The following PDZRN3 variants were observed in gnomAD, a reference collection of about 807,000 sequenced individuals.
PDZRN3 encodes the protein PDZ domain containing ring finger 3, also known as E3 ubiquitin-protein ligase PDZRN3.
PDZRN3 carries 38 observed loss-of-function variants against 85.7 expected under a neutral mutation model. The ratio of observed to expected loss-of-function variants is 0.44; its 90% CI spans 0.34 to 0.58. The LOEUF (loss-of-function observed/expected upper bound fraction) is 0.58. PDZRN3 is among the 20% of genes least tolerant of loss of function. PDZRN3 has a pLI of 0.01. For synonymous variants in PDZRN3, 759 were observed against 638.0 expected, an observed-to-expected ratio of 1.19 and a Z score of -2.86; for missense variants, 1,629 against 1,506.4, an observed-to-expected ratio of 1.08 and a Z score of -1.35.
chr3:73,540,803 C>T (rs1559729424), intron 3 of PDZRN3, among the ~76,000 whole-genome samples: 1 of 152,078 alleles, frequency 6.6e-6, no homozygotes, highest in Non-Finnish European at 1.5e-5. Flanking sequence ...CAGACTAACA[C>T]AATGATAAAG....
chr3:73,493,038 T>C (rs940310089), intron 3 of PDZRN3, among the ~76,000 whole-genome samples: 2 of 150,702 alleles, frequency 1.3e-5, no homozygotes, highest in African/African-American at 4.9e-5. Context: ...TTCCCTTATG[T>C]GAAATTTTAT....
chr3:73,504,806 T>C (rs1704041766), intron 3 of PDZRN3, among the ~76,000 whole-genome samples: 1 of 152,242 alleles, frequency 6.6e-6, no homozygotes, highest in African/African-American at 2.4e-5. Flanking sequence ...TAAAGATAAC[T>C]GCGTTAGTAT....
At chr3:73,510,705 G>C (rs1313407298) in intron 3 of PDZRN3, among the ~76,000 whole-genome samples, 1 of 152,082 alleles carries the variant, frequency 6.6e-6, no homozygotes. Context: ...ATATTGCCCA[G>C]GGCCCAAATG....
At chr3:73,416,271 T>C (rs1417308935) in intron 3 of PDZRN3, among the ~76,000 whole-genome samples, 1 of 152,184 alleles carries the variant, frequency 6.6e-6, no homozygotes, top group Non-Finnish European at 1.5e-5. Context: ...ACTTGGCCTC[T>C]TACCTCCAAG....
intron 3 of PDZRN3, among the ~76,000 whole-genome samples, chr3:73,560,668 T>C (rs1021168141): frequency 1.3e-5 from 2 of 152,214 alleles, no homozygotes; most frequent in Admixed American, 6.5e-5. Context: ...ATTCATGGGA[T>C]GGAAATGTTC....
intron 3 of PDZRN3, among the ~76,000 whole-genome samples, chr3:73,453,717 G>A (rs1481898148): frequency 1.3e-5 from 2 of 152,064 alleles, no homozygotes; most frequent in Non-Finnish European, 2.9e-5. Flanking sequence ...CAAAGAGAAC[G>A]CTTAATTCCT....
At chr3:73,472,997 G>A (rs191417878) in intron 3 of PDZRN3, among the ~76,000 whole-genome samples, 25 of 152,222 alleles carry the variant, frequency 1.6e-4, no homozygotes, top group Middle Eastern at 3.4e-3. Flanking sequence ...GTGAATGGAC[G>A]ATATCTGGGG....
At position 73,499,284 on chromosome 3, in the gene PDZRN3, C is replaced by T. The variant is rs1703929339; in HGVS notation, c.919-94889G>A. ...TCTCATGGAGTTTTCATTTGTAATCCGTATAGTGTGATTAGGGAGCATCCA... is the reference window on the plus strand; with the variant it reads ...TCTCATGGAGTTTTCATTTGTAATCTGTATAGTGTGATTAGGGAGCATCCA... On this transcript the variant is annotated intron_variant, in intron 3 of 9. Transcript: ENST00000263666. Among the ~76,000 whole-genome samples, 3 of 152,132 alleles carry T rather than the reference C, an allele frequency of 2.0e-5. No individual in the cohort carries two copies. The South Asian group carries it at 6.2e-4, about 32-fold the overall frequency.
chr3:73,492,910 G>A (rs528233950), intron 3 of PDZRN3, among the ~76,000 whole-genome samples: 123 of 146,074 alleles, frequency 8.4e-4, no homozygotes, highest in South Asian at 2.2e-3. Flanking sequence ...CAATTATTAT[G>A]TATCAATTTT....
In PDZRN3 at chr3:73,408,500, C is replaced by T. The variant is rs151157479; in HGVS notation, c.919-4105G>A. ...TGTATGCCGTAAGGCTTCTTGACTT[C>T]CCAGAAGCTCCCTGCCCATCTTGTG... On this transcript the variant is annotated intron_variant, in intron 3 of 9. Transcript: ENST00000263666. Among the ~76,000 whole-genome samples the T allele has an allele frequency of 5.2e-3, 793 of 152,150 alleles. 6 individuals carry two copies. Among genetic ancestry groups the T allele is most frequent in the Non-Finnish European group, 8.5e-3 (580 of 68,012 alleles).
intron 3 of PDZRN3, among the ~76,000 whole-genome samples, chr3:73,497,805 G>A (rs983042627): frequency 2.0e-5 from 3 of 146,572 alleles, no homozygotes; most frequent in African/African-American, 5.5e-5. Context: ...AGCGCCCCCC[G>A]TCCCCGCCCC....
At chr3:73,561,999 C>T (rs1282953379) in intron 3 of PDZRN3, among the ~76,000 whole-genome samples, 3 of 151,656 alleles carry the variant, frequency 2.0e-5, no homozygotes, top group Non-Finnish European at 4.4e-5. Flanking sequence ...GATACATCTG[C>T]TCCTTAAATT....
chr3:73,396,019 T>G (rs1033515072), intron 5 of PDZRN3, among the ~76,000 whole-genome samples: 1 of 152,078 alleles, frequency 6.6e-6, no homozygotes, highest in Non-Finnish European at 1.5e-5. Flanking sequence ...GGTCAGGAGT[T>G]TGAGACCAGC....
At chr3:73,623,745 G>A (rs931554264) in intron 1 of PDZRN3, 1 of 196,700 alleles carries the variant, frequency 5.1e-6, no homozygotes, top group Non-Finnish European at 1.0e-5. Context: ...CAACTTGCCC[G>A]AGATCCCCTA....
chr3:73,471,290 CA>C (rs1019863572), intron 3 of PDZRN3, among the ~76,000 whole-genome samples: 1 of 151,624 alleles, frequency 6.6e-6, no homozygotes, highest in African/African-American at 2.4e-5. Flanking sequence ...TAGGAAGAAG[CA>C]AAAAAAGGTC....
At chr3:73,593,205 T>C (rs906734653) in intron 3 of PDZRN3, among the ~76,000 whole-genome samples, 2 of 152,214 alleles carry the variant, frequency 1.3e-5, no homozygotes, top group Non-Finnish European at 2.9e-5. Flanking sequence ...ACCTGTATTA[T>C]TGTCAAGAAT....
At chr3:73,619,432 C>T (rs905776783) in intron 1 of PDZRN3, among the ~76,000 whole-genome samples, 6 of 152,138 alleles carry the variant, frequency 3.9e-5, no homozygotes, top group African/African-American at 1.4e-4. Flanking sequence ...CTGCGAGGTC[C>T]GAGAGGCCTG....
At chr3:73,446,277 T>C (rs780369834) in intron 3 of PDZRN3, among the ~76,000 whole-genome samples, 15 of 152,276 alleles carry the variant, frequency 9.9e-5, no homozygotes, top group South Asian at 8.3e-4. Context: ...AAGGAATAAA[T>C]ACAGTTACAT....
In PDZRN3 at chr3:73,497,812, C is replaced by G. The variant is rs754288041; in HGVS notation, c.919-93417G>C. Among the ~76,000 whole-genome samples, 7 of 142,078 alleles carry G rather than the reference C, an allele frequency of 4.9e-5. No individual in the cohort carries two copies. In the East Asian group the frequency reaches 9.7e-4, roughly 20 times the overall value. The allele number at this position is 142,078 out of a possible 152,430, so 93.2% of individuals were successfully genotyped here. ...GCCGGCACAGCGCCCCCCGTCCCCG[C>G]CCCCGCCAACAGCTCAGCGCAGTGA... On this transcript the variant is annotated intron_variant, in intron 3 of 9. Transcript: ENST00000263666.
Sources: gnomAD v4.1 joint callset for allele counts (sites outside exome capture counted in the v4.1 genomes callset) on GRCh38, gnomAD v4.1.1 for gene constraint, MANE v1.5 for transcripts, NCBI Gene and HGNC (gene_info 2026-07-23, HGNC 2026-07-21) for gene names.